Variants in NR4A3 observed in about 807,000 individuals in gnomAD.
NR4A3 encodes the protein nuclear receptor subfamily 4 group A member 3, also known as chondrosarcoma, extraskeletal myxoid, fused to EWS.
In NR4A3, 13 loss-of-function variants were observed where a neutral mutation model predicts 55.6. The observed-to-expected ratio is 0.23, with a 90% CI of 0.15 to 0.37. NR4A3 has a LOEUF of 0.37. Among genes scored for constraint, NR4A3 ranks in the 10% least tolerant of loss-of-function variants. The pLI is 1.00. For synonymous variants in NR4A3, 342 were observed against 357.9 expected (o/e 0.96, Z 0.50); for missense variants, 646 against 822.8 (o/e 0.79, Z 2.63).
intron 5 of NR4A3, among the ~76,000 whole-genome samples, chr9:99,835,604 C>T (rs1259036399): frequency 6.6e-6 from 1 of 152,198 alleles, no homozygotes; most frequent in Admixed American, 6.5e-5. Context: ...CATTTGAAAG[C>T]ACAATAGATG....
In NR4A3 at chr9:99,828,542, T is replaced by TC; in HGVS notation, c.501dup (p.Ala168ArgfsTer72). On this transcript the variant is annotated frameshift_variant, in exon 3 of 8. Transcript: ENST00000395097. LOFTEE classifies it high-confidence loss of function. This position sits in a 1 kb window ranked among gnomAD's most constrained non-coding sequence, Gnocchi z 7.7. ...GCACTGCCCTCGGCGCCCGGCTGCA[T>TC]CGCACCCGGCCCGCTGCTGGACCCG... 1 of 1,553,752 alleles carries TC rather than the reference T, an allele frequency of 6.4e-7. No homozygotes were observed. Among genetic ancestry groups the TC allele is most frequent in the Non-Finnish European group, 8.6e-7 (1 of 1,157,760 alleles).
intron 7 of NR4A3, among the ~76,000 whole-genome samples, chr9:99,862,152 AAG>A (rs1828018237): frequency 6.6e-6 from 1 of 152,090 alleles, no homozygotes. Flanking sequence ...TTCCCATTAG[AAG>A]GATGTCTTCC....
At chr9:99,827,922 G>A in intron 2 of NR4A3, 119 bp from the exon 3 acceptor site, 1 of 1,198,978 alleles carries the variant, frequency 8.3e-7, no homozygotes, top group East Asian at 2.4e-5. Flanking sequence ...CCAGAAGGAG[G>A]AGAGGATGAC....
chr9:99,837,428 CAGAGT>C (rs1357552621), intron 5 of NR4A3, among the ~76,000 whole-genome samples: 1 of 152,136 alleles, frequency 6.6e-6, no homozygotes, highest in Non-Finnish European at 1.5e-5. Flanking sequence ...ATGTCGGTGA[CAGAGT>C]AGAGGACAAA....
chr9:99,841,423 T>A (rs1827648799), intron 5 of NR4A3, among the ~76,000 whole-genome samples: 3 of 152,156 alleles, frequency 2.0e-5, no homozygotes, highest in Admixed American at 1.3e-4. Context: ...GACCAGATGT[T>A]ATAGGATCTT....
In NR4A3 at chr9:99,828,930, G is replaced by A; in HGVS notation, c.888G>A (p.Gly296=). Residue 296 remains glycine, a synonymous_variant, in exon 3 of 8, where the codon GGG becomes GGA. Coordinates refer to ENST00000395097, the MANE Select transcript of NR4A3 (RefSeq NM_006981.4). This position sits in a 1 kb window ranked among gnomAD's most constrained non-coding sequence, Gnocchi z 7.7. ...GCGAGGGCACGTGTGCCGTGTGCGGGGACAACGCCGCCTGCCAGCACTACG... is the reference window on the plus strand; with the variant it reads ...GCGAGGGCACGTGTGCCGTGTGCGGAGACAACGCCGCCTGCCAGCACTACG... ...SSGEGTCAVC[G]DNAACQHYGV... is the part of the protein sequence containing the mutation. The A allele has an allele frequency of 1.4e-6, 2 of 1,450,580 alleles. No individual in the cohort carries two copies. Among genetic ancestry groups the A allele is most frequent in the Non-Finnish European group, 9.1e-7 (1 of 1,101,916 alleles). 89.9% of individuals were successfully genotyped at this position (1,450,580 alleles called of 1,614,324 possible).
At chr9:99,833,863 A>G (rs369872994) in intron 5 of NR4A3, 4 of 1,264,082 alleles carry the variant, frequency 3.2e-6, no homozygotes, top group Non-Finnish European at 4.0e-6. Flanking sequence ...ATCCAATTGC[A>G]TCAGCATTGA....
At chr9:99,824,621 G>A (rs1311914372) in intron 1 of NR4A3, among the ~76,000 whole-genome samples, 20 of 152,176 alleles carry the variant, frequency 1.3e-4, no homozygotes, top group Admixed American at 9.8e-4. Flanking sequence ...GCTCAGGGGC[G>A]CCAGGAGATG....
At position 99,844,727 on chromosome 9, in the gene NR4A3, A is replaced by C; in HGVS notation, c.1333A>C (p.Ile445Leu). The C allele has an allele frequency of 6.2e-7, 1 of 1,614,206 alleles. No individual in the cohort carries two copies. Among genetic ancestry groups the C allele is most frequent in the Non-Finnish European group, 8.5e-7 (1 of 1,180,026 alleles). The part of the protein sequence containing the change: ...QQFYNLLTAS[I>L]DVSRSWAEKI... ...ATTCTACAACCTCCTGACAGCCTCC[A>C]TTGATGTATCCAGAAGCTGGGCAGA... Residue 445 changes from isoleucine (I) to leucine (L), a missense_variant, in exon 6 of 8, where the codon ATT becomes CTT. Coordinates refer to ENST00000395097, the MANE Select transcript of NR4A3 (RefSeq NM_006981.4).
chr9:99,865,280 C>T lies in NR4A3; in HGVS notation c.*1413C>T, dbSNP rs1828076372. On this transcript the variant is annotated 3_prime_UTR_variant, in exon 8 of 8. Coordinates refer to ENST00000395097, the MANE Select transcript of NR4A3 (RefSeq NM_006981.4). This position sits in a 1 kb window ranked among gnomAD's most constrained non-coding sequence, Gnocchi z 4.3. Reference sequence around the variant, plus strand: ...GGTGTTCACAGTGACTTGGATACACCAATTAGAAATTAAATAAGCAAATAT... The same window carrying T: ...GGTGTTCACAGTGACTTGGATACACTAATTAGAAATTAAATAAGCAAATAT... The T allele has an allele frequency of 5.7e-6, 1 of 174,254 alleles. No individual in the cohort carries two copies. Among genetic ancestry groups the T allele is most frequent in the South Asian group, 2.0e-4 (1 of 4,936 alleles). 10.8% of individuals were successfully genotyped at this position (174,254 alleles called of 1,614,324 possible). A position where few individuals can be genotyped will look rare whatever the true frequency, so the allele number is the denominator to read the frequency against.
At chr9:99,856,450 C>G (rs1827928915) in intron 7 of NR4A3, among the ~76,000 whole-genome samples, 1 of 152,158 alleles carries the variant, frequency 6.6e-6, no homozygotes, top group Non-Finnish European at 1.5e-5. Flanking sequence ...ACAGATGAAG[C>G]TTCACTTGCT....
chr9:99,847,558 A>C lies in NR4A3; in HGVS notation c.1576A>C (p.Ser526Arg). 6.2e-7 allele frequency: 1 copy of C among 1,614,148 alleles called. No individual in the cohort carries two copies. Among genetic ancestry groups the C allele is most frequent in the Non-Finnish European group, 8.5e-7 (1 of 1,180,028 alleles). ...SIKDFSLNLQSLNLDIQALAC... is the reference protein window; with the variant it reads ...SIKDFSLNLQRLNLDIQALAC... ...TAAAGACTTTTCCTTAAATTTGCAG[A>C]GCCTGAACCTTGATATCCAAGCCTT... The change falls in exon 7 of 8, where the codon AGC (serine) becomes CGC (arginine). Residue 526 changes from serine (S) to arginine (R), a missense_variant. This residue lies in a region of NR4A3 where 163 missense variants were observed against 233.0 expected (regional missense o/e 0.70). Coordinates refer to ENST00000395097, the MANE Select transcript of NR4A3 (RefSeq NM_006981.4).
chr9:99,836,303 A>C (rs1827559712), intron 5 of NR4A3, among the ~76,000 whole-genome samples: 1 of 152,262 alleles, frequency 6.6e-6, no homozygotes, highest in Non-Finnish European at 1.5e-5. Context: ...GAGCCTTGGC[A>C]AAGTGGTTCA....
At chr9:99,831,914 A>C (rs1169009025) in intron 3 of NR4A3, among the ~76,000 whole-genome samples, 1 of 152,150 alleles carries the variant, frequency 6.6e-6, no homozygotes, top group Non-Finnish European at 1.5e-5. Flanking sequence ...TACTGTGTCT[A>C]TGTCAATAGA....
At chr9:99,834,116 C>A in intron 5 of NR4A3, 2 of 867,766 alleles carry the variant, frequency 2.3e-6, no homozygotes, top group Non-Finnish European at 2.8e-6. Flanking sequence ...GTTTTTAAGA[C>A]CATAAATGAC....
chr9:99,857,686 C>T (rs1030214963), intron 7 of NR4A3, among the ~76,000 whole-genome samples: 1 of 151,684 alleles, frequency 6.6e-6, no homozygotes, highest in Non-Finnish European at 1.5e-5. Context: ...ACCCAGGAGG[C>T]GAAGGTTGCA....
chr9:99,856,059 T>C (rs1043467542), intron 7 of NR4A3, among the ~76,000 whole-genome samples: 2 of 152,168 alleles, frequency 1.3e-5, no homozygotes, highest in African/African-American at 4.8e-5. Flanking sequence ...GAGACTGGTT[T>C]CATGGAAGAC....
In NR4A3 at chr9:99,828,711, G is replaced by A. The variant is rs1679080983; in HGVS notation, c.669G>A (p.Leu223=). 2 of 1,305,670 alleles carry A rather than the reference G, an allele frequency of 1.5e-6. No homozygotes were observed. Among genetic ancestry groups the A allele is most frequent in the African/African-American group, 1.6e-5 (1 of 64,514 alleles). The allele number at this position is 1,305,670 out of a possible 1,614,324, so 80.9% of individuals were successfully genotyped here. A position where few individuals can be genotyped will look rare whatever the true frequency, so the allele number is the denominator to read the frequency against. ...CGACGGCCGCTGCCGCGCTCAGCCTGCCGCTGGGAGCCGCAGCCGCCGCGG... is the reference window on the plus strand; with the variant it reads ...CGACGGCCGCTGCCGCGCTCAGCCTACCGCTGGGAGCCGCAGCCGCCGCGG... ...YDPTAAAALS[L]PLGAAAAAGS... Residue 223 remains leucine (L), a synonymous_variant, in exon 3 of 8, where the codon CTG becomes CTA. Transcript: ENST00000395097. This position sits in a 1 kb window ranked among gnomAD's most constrained non-coding sequence, Gnocchi z 7.7.
intron 3 of NR4A3, 126 bp downstream of exon 3, chr9:99,829,119 A>G (rs778129119): frequency 9.0e-7 from 1 of 1,115,360 alleles, no homozygotes. Context: ...ATGCTTTCCT[A>G]CAGCCCTTCC....
Sources: allele counts gnomAD v4.1 joint callset (sites outside exome capture counted in the v4.1 genomes callset), GRCh38; gene constraint gnomAD v4.1.1; regional missense constraint gnomAD v4.1.1; non-coding constraint Gnocchi (gnomAD v3.1); transcripts MANE v1.5; gene names NCBI Gene and HGNC (gene_info 2026-07-23, HGNC 2026-07-21).